LSAMP: variants seen among roughly 807,000 people sequenced by gnomAD.
LSAMP encodes limbic system associated membrane protein, also known as limbic system-associated membrane protein.
In LSAMP, 7 loss-of-function variants were observed where a neutral mutation model predicts 38.6. That is an observed-to-expected ratio of 0.18 (90% CI 0.10 to 0.34). The LOEUF (loss-of-function observed/expected upper bound fraction) is 0.34. Ranked by LOEUF, LSAMP falls within the 10% of genes least tolerant of loss-of-function variation. The pLI is 1.00. For missense variants in LSAMP, 313 were observed against 420.0 expected, an observed-to-expected ratio of 0.75 and a Z score of 2.23; for synonymous variants, 154 against 166.8, an observed-to-expected ratio of 0.92 and a Z score of 0.59.
intron 3 of LSAMP, among the ~76,000 whole-genome samples, chr3:115,958,926 CCA>C (rs2107590444): frequency 6.6e-6 from 1 of 152,226 alleles, no homozygotes; most frequent in African/African-American, 2.4e-5. Flanking sequence ...GGACTGTAGG[CCA>C]CCCATAGGCT....
At chr3:115,976,687 T>A (rs1939197021) in intron 3 of LSAMP, among the ~76,000 whole-genome samples, 1 of 152,162 alleles carries the variant, frequency 6.6e-6, no homozygotes, top group Non-Finnish European at 1.5e-5. Context: ...GAGAGGTGAT[T>A]GGATCATGGG....
intron 6 of LSAMP, chr3:115,834,695 A>G (rs927185652): frequency 4.2e-6 from 2 of 479,558 alleles, no homozygotes; most frequent in African/African-American, 4.3e-5. Flanking sequence ...ACAACAGATG[A>G]ATTTCCATGC....
chr3:116,033,951 C>G (rs1340623560), intron 2 of LSAMP, among the ~76,000 whole-genome samples: 1 of 152,058 alleles, frequency 6.6e-6, no homozygotes, highest in Non-Finnish European at 1.5e-5. Flanking sequence ...TTGTGGCCAG[C>G]AGGGATAGTA....
intron 1 of LSAMP, among the ~76,000 whole-genome samples, chr3:116,233,384 G>A: frequency 8.1e-6 from 1 of 124,154 alleles, no homozygotes; most frequent in African/African-American, 3.1e-5. Flanking sequence ...CTGCACTCCA[G>A]CCTGGGCGAC....
intron 1 of LSAMP, among the ~76,000 whole-genome samples, chr3:116,391,832 G>T (rs373851572): frequency 6.6e-6 from 1 of 152,100 alleles, no homozygotes; most frequent in African/African-American, 2.4e-5. Flanking sequence ...TGATGGTGTC[G>T]GTTTCTTGCG....
intron 2 of LSAMP, among the ~76,000 whole-genome samples, chr3:116,084,356 GAAAA>G (rs1166143174): frequency 9.4e-6 from 1 of 106,554 alleles, no homozygotes; most frequent in Non-Finnish European, 2.0e-5. Flanking sequence ...AGGTAAATAA[GAAAA>G]AAAAAAGAGG....
intron 1 of LSAMP, among the ~76,000 whole-genome samples, chr3:116,298,110 C>G (rs1325419021): frequency 6.6e-6 from 1 of 152,162 alleles, no homozygotes; most frequent in Non-Finnish European, 1.5e-5. Context: ...GTCTGTCTAT[C>G]TATCTATAAA....
intron 1 of LSAMP, among the ~76,000 whole-genome samples, chr3:116,296,744 G>C (rs1202679317): frequency 1.4e-5 from 2 of 146,462 alleles, no homozygotes; most frequent in Admixed American, 1.4e-4. Flanking sequence ...AAGGTCTACT[G>C]AGGCTCTACT....
rs1236362222 is a variant in LSAMP, at chr3:115,802,809, G to C, written c.*7508C>G. On this transcript the variant is annotated 3_prime_UTR_variant, in exon 7 of 7. Coordinates refer to ENST00000490035, the MANE Select transcript of LSAMP (RefSeq NM_002338.5). ...ACACCCTTCAGTAGAGCAGTGATAA[G>C]GAAGGTGGGGAGCATTGGGAGATGG... 2 of 152,092 alleles carry C rather than the reference G, an allele frequency of 1.3e-5. No homozygotes were observed. The highest frequency in any genetic ancestry group is 6.6e-5 in the Admixed American group (1 of 15,262). The allele number at this position is 152,092 out of a possible 1,614,324, so 9.4% of individuals were successfully genotyped here. A position where few individuals can be genotyped will look rare whatever the true frequency, so the allele number is the denominator to read the frequency against.
chr3:116,045,158 A>C (rs1941263208), intron 2 of LSAMP, among the ~76,000 whole-genome samples: 1 of 152,220 alleles, frequency 6.6e-6, no homozygotes, highest in Non-Finnish European at 1.5e-5. Context: ...AAATGTTCAA[A>C]AGGATCGTCT....
At chr3:116,026,909 C>T (rs1003279655) in intron 2 of LSAMP, among the ~76,000 whole-genome samples, 3 of 152,074 alleles carry the variant, frequency 2.0e-5, no homozygotes, top group African/African-American at 7.2e-5. Flanking sequence ...GCTTATGCCT[C>T]TGCCATTGCC....
chr3:116,442,043 T>A (rs1167604077), intron 1 of LSAMP, among the ~76,000 whole-genome samples: 1 of 152,210 alleles, frequency 6.6e-6, no homozygotes, highest in African/African-American at 2.4e-5. Context: ...TCACCATAAT[T>A]ATATAGTTTT....
intron 1 of LSAMP, among the ~76,000 whole-genome samples, chr3:116,243,876 T>C (rs947468491): frequency 6.6e-6 from 1 of 152,228 alleles, no homozygotes; most frequent in African/African-American, 2.4e-5. Flanking sequence ...TTCACAATTA[T>C]AAAATTTGTA....
intron 1 of LSAMP, among the ~76,000 whole-genome samples, chr3:116,394,891 C>T (rs10511356): frequency 0.11 from 17,257 of 152,116 alleles, 1,395 homozygotes; most frequent in African/African-American, 0.23. Context: ...GCTGTCGATA[C>T]ATAGTTGCAT....
At chr3:115,951,488 G>A (rs1938286913) in intron 3 of LSAMP, among the ~76,000 whole-genome samples, 1 of 152,128 alleles carries the variant, frequency 6.6e-6, no homozygotes, top group African/African-American at 2.4e-5. Context: ...AACTTGATTG[G>A]ATTGAAGGAT....
chr3:116,120,437 G>C (rs1406533148), intron 1 of LSAMP, among the ~76,000 whole-genome samples: 1 of 152,136 alleles, frequency 6.6e-6, no homozygotes, highest in African/African-American at 2.4e-5. Context: ...AAGGAAGAAA[G>C]GGCCTGGGAA....
intron 1 of LSAMP, among the ~76,000 whole-genome samples, chr3:116,319,730 G>A (rs1021703176): frequency 6.6e-6 from 1 of 151,414 alleles, no homozygotes; most frequent in Non-Finnish European, 1.5e-5. Flanking sequence ...CTGTTCAGAG[G>A]TAAATGCTCG....
intron 3 of LSAMP, among the ~76,000 whole-genome samples, chr3:115,928,411 G>T (rs1348788113): frequency 6.6e-6 from 1 of 152,168 alleles, no homozygotes; most frequent in Non-Finnish European, 1.5e-5. Context: ...GATATGAAGA[G>T]AAGACATTGA....
chr3:115,991,439 C>A (rs1052619976), intron 3 of LSAMP, among the ~76,000 whole-genome samples: 3 of 152,028 alleles, frequency 2.0e-5, no homozygotes, highest in African/African-American at 7.2e-5. Context: ...TATACATGTG[C>A]ATGCCTGTGG....
Sources: gnomAD v4.1 joint callset for allele counts (sites outside exome capture counted in the v4.1 genomes callset) on GRCh38, gnomAD v4.1.1 for gene constraint, MANE v1.5 for transcripts, NCBI Gene and HGNC (gene_info 2026-07-23, HGNC 2026-07-21) for gene names.